The following SYNPO variants were observed in gnomAD, a reference collection of about 807,000 sequenced individuals.
The protein encoded by SYNPO is synaptopodin.
In SYNPO, 19 loss-of-function variants were observed where a neutral mutation model predicts 49.5. The observed-to-expected ratio is 0.38, with a 90% CI of 0.27 to 0.56. The LOEUF (loss-of-function observed/expected upper bound fraction) is 0.56, where lower values mean the gene tolerates loss of function less well. SYNPO is among the 20% of genes least tolerant of loss of function. SYNPO has a pLI of 0.68. For missense variants in SYNPO, 1,131 were observed against 1,248.3 expected (o/e 0.91, Z 1.42); for synonymous variants, 536 against 548.0 (o/e 0.98, Z 0.31).
chr5:150,604,421 A>C (rs1187228050), intron 1 of SYNPO, among the ~76,000 whole-genome samples: 3 of 152,252 alleles, frequency 2.0e-5, no homozygotes, highest in Non-Finnish European at 4.4e-5. Flanking sequence ...ATTCACCGAC[A>C]GTGATGCCCT....
At chr5:150,623,917 T>C (rs776763623) in intron 2 of SYNPO, among the ~76,000 whole-genome samples, 2 of 152,214 alleles carry the variant, frequency 1.3e-5, no homozygotes, top group Non-Finnish European at 2.9e-5. Context: ...GCTGGGGCTG[T>C]GGAGGGTACT....
At chr5:150,603,248 AGGCCACCC>A (rs1477005330) in intron 1 of SYNPO, among the ~76,000 whole-genome samples, 1 of 152,196 alleles carries the variant, frequency 6.6e-6, no homozygotes, top group Non-Finnish European at 1.5e-5. Flanking sequence ...GGTAGGCGAG[AGGCCACCC>A]TGGCCTTGGC....
chr5:150,610,863 A>G (rs1037154425), intron 1 of SYNPO, among the ~76,000 whole-genome samples: 2 of 152,256 alleles, frequency 1.3e-5, no homozygotes, highest in African/African-American at 4.8e-5. Context: ...TCTAAATAGT[A>G]GACATATTCA....
the SYNPO span, among the ~76,000 whole-genome samples, chr5:150,586,753 A>G: frequency 2.0e-5 from 3 of 152,244 alleles, no homozygotes; most frequent in Non-Finnish European, 4.4e-5. Flanking sequence ...CAGGCCCTGG[A>G]ATATAGTAAA....
At position 150,609,575 on chromosome 5, in the gene SYNPO, G is replaced by A. The variant is rs186629336; in HGVS notation, c.-266+8387G>A. ...CTCCCAAAATGCTGGGATTATCGGC[G>A]TGAGCCATCATGCCTGGCTGGTTAG... On this transcript the variant is annotated intron_variant, in intron 1 of 2. Coordinates refer to the SYNPO transcript ENST00000394243. Among the ~76,000 whole-genome samples the A allele has an allele frequency of 4.6e-3, 703 of 152,360 alleles. 4 individuals are homozygous for A. Among genetic ancestry groups the A allele is most frequent in the African/African-American group, 0.016 (669 of 41,582 alleles).
intron 2 of SYNPO, among the ~76,000 whole-genome samples, chr5:150,629,288 T>A (rs1006953345): frequency 6.6e-6 from 1 of 152,174 alleles, no homozygotes; most frequent in East Asian, 1.9e-4. Context: ...TGAGTCACCA[T>A]GCCCGGCCTA....
At position 150,656,998 on chromosome 5, in the gene SYNPO, C is replaced by T; in HGVS notation, c.2623C>T (p.Leu875=). ...EDSGAKSPGI[L]GYNICPRGWN... is the part of the protein sequence containing the mutation. ...CTCCGGGGCTAAGTCTCCAGGCATC[C>T]TGGGCTACAATATCTGTCCCCGCGG... is the stretch of plus-strand genomic sequence containing the variant. The change falls in exon 3 of 3, where the codon CTG becomes TTG. Residue 875 remains leucine (L), a synonymous_variant. Coordinates refer to ENST00000307662, the MANE Select transcript of SYNPO (RefSeq NM_007286.6). 2 of 1,602,854 alleles carry T rather than the reference C, an allele frequency of 1.2e-6. No homozygotes were observed. The highest frequency in any genetic ancestry group is 1.7e-6 in the Non-Finnish European group (2 of 1,175,696).
chr5:150,632,826 A>G (rs1203761278), intron 2 of SYNPO, among the ~76,000 whole-genome samples: 1 of 152,068 alleles, frequency 6.6e-6, no homozygotes, highest in Non-Finnish European at 1.5e-5. Flanking sequence ...TGCATTATTT[A>G]TGTTTGTGAG....
upstream of SYNPO, chr5:150,640,548 T>C: frequency 1.5e-6 from 1 of 681,386 alleles, no homozygotes; most frequent in Non-Finnish European, 1.8e-6. Context: ...GAGGCATGAG[T>C]GGAGCCCGGA....
Position 150,657,026 on chromosome 5 carries a change from G to A in SYNPO, c.2651G>A (p.Trp884Ter). 6.2e-7 allele frequency: 1 copy of A among 1,601,966 alleles called. No individual in the cohort carries two copies. The highest frequency in any genetic ancestry group is 8.5e-7 in the Non-Finnish European group (1 of 1,174,604). The change falls in exon 3 of 3, where the codon TGG becomes TAG. Residue 884 changes from tryptophan (W) to a stop codon, truncating the protein, a stop_gained. Transcript: ENST00000307662. LOFTEE classifies it high-confidence loss of function. ...ILGYNICPRG[W>*]NGSLRLKRGS... is the part of the protein sequence containing the mutation. Reference sequence around the variant, plus strand: ...GGCTACAATATCTGTCCCCGCGGGTGGAATGGCAGCCTTCGGCTCAAGCGT... The same window carrying A: ...GGCTACAATATCTGTCCCCGCGGGTAGAATGGCAGCCTTCGGCTCAAGCGT...
At chr5:150,655,083 C>A (rs1484961110) in intron 2 of SYNPO, among the ~76,000 whole-genome samples, 3 of 152,194 alleles carry the variant, frequency 2.0e-5, no homozygotes, top group Admixed American at 1.3e-4. Context: ...TGAGATTGTG[C>A]CATTGCACTC....
At chr5:150,624,406 G>A (rs766963208) in intron 2 of SYNPO, among the ~76,000 whole-genome samples, 36 of 152,164 alleles carry the variant, frequency 2.4e-4, no homozygotes, top group Non-Finnish European at 4.3e-4. Flanking sequence ...AAGAAAAGGG[G>A]ACACAAAGAA....
chr5:150,651,501 C>T (rs895877777), intron 2 of SYNPO: 1 of 1,000,960 alleles, frequency 1.0e-6, no homozygotes, highest in Non-Finnish European at 1.2e-6. Flanking sequence ...GGGCTATTGC[C>T]AAAGGACAGG....
intron 1 of SYNPO, among the ~76,000 whole-genome samples, chr5:150,643,846 C>T (rs1394518958): frequency 2.0e-5 from 3 of 152,018 alleles, no homozygotes; most frequent in Non-Finnish European, 4.4e-5. Flanking sequence ...AAGACTTTTT[C>T]TCTGTGCAGC....
At chr5:150,608,169 G>C (rs1218794401) in intron 1 of SYNPO, among the ~76,000 whole-genome samples, 1 of 152,246 alleles carries the variant, frequency 6.6e-6, no homozygotes, top group African/African-American at 2.4e-5. Context: ...CCAGGAAGAA[G>C]CTGGACTGAG....
At chr5:150,626,928 T>C (rs891031725) in intron 2 of SYNPO, among the ~76,000 whole-genome samples, 8 of 152,176 alleles carry the variant, frequency 5.3e-5, no homozygotes, top group Admixed American at 2.0e-4. Flanking sequence ...TTCTTCCATC[T>C]TCTCTCCACC....
intron 2 of SYNPO, among the ~76,000 whole-genome samples, chr5:150,629,297 T>C (rs991597894): frequency 6.6e-5 from 10 of 152,228 alleles, no homozygotes; most frequent in African/African-American, 2.2e-4. Context: ...ATGCCCGGCC[T>C]AGGAACAGGT....
chr5:150,589,265 T>C, the SYNPO span, among the ~76,000 whole-genome samples: 2 of 152,118 alleles, frequency 1.3e-5, no homozygotes, highest in African/African-American at 4.8e-5. Flanking sequence ...GGTTTGGCTA[T>C]GTTGGCCAGG....
At chr5:150,650,927 C>A (rs1758355823) in intron 2 of SYNPO, 4 of 1,258,240 alleles carry the variant, frequency 3.2e-6, no homozygotes, top group Non-Finnish European at 1.0e-6. Context: ...TCGCCTCCGC[C>A]TGCGCTCCCC....
Sources: gnomAD v4.1 joint callset for allele counts (sites outside exome capture counted in the v4.1 genomes callset) on GRCh38, gnomAD v4.1.1 for gene constraint, MANE v1.5 for transcripts, NCBI Gene and HGNC (gene_info 2026-07-23, HGNC 2026-07-21) for gene names.